The following NCOA1 variants were observed in gnomAD, a reference collection of about 807,000 sequenced individuals.
NCOA1 encodes the protein nuclear receptor coactivator 1.
Under a neutral mutation model 150.9 loss-of-function variants are expected in NCOA1, and 35 were observed. The ratio of observed to expected loss-of-function variants is 0.23; its 90% CI spans 0.18 to 0.31. The LOEUF (loss-of-function observed/expected upper bound fraction) is 0.31, where lower values mean the gene tolerates loss of function less well. Ranked by LOEUF, NCOA1 falls within the 10% of genes least tolerant of loss-of-function variation. The pLI is 1.00. For synonymous variants in NCOA1, 590 were observed against 630.0 expected (o/e 0.94, Z 0.95); for missense variants, 1,491 against 1,749.3 (o/e 0.85, Z 2.63).
chr2:24,508,714 A>G (rs1447492937), intron 1 of NCOA1, among the ~76,000 whole-genome samples: 1 of 152,098 alleles, frequency 6.6e-6, no homozygotes, highest in Non-Finnish European at 1.5e-5. Flanking sequence ...GTTTGGTTAA[A>G]CATGTTGCTC....
chr2:24,632,090 TTTAG>T (rs1349502466), intron 3 of NCOA1, among the ~76,000 whole-genome samples: 2 of 152,036 alleles, frequency 1.3e-5, no homozygotes, highest in Admixed American at 1.3e-4. Context: ...AAAACAGCAG[TTTAG>T]TTAAACAACA....
At chr2:24,725,194 A>G (rs1318312186) in intron 14 of NCOA1, among the ~76,000 whole-genome samples, 1 of 152,156 alleles carries the variant, frequency 6.6e-6, no homozygotes, top group Non-Finnish European at 1.5e-5. Flanking sequence ...CGAATGAGAA[A>G]TTCTACCTCA....
chr2:24,670,567 G>A (rs907340741), intron 6 of NCOA1, among the ~76,000 whole-genome samples: 3 of 152,130 alleles, frequency 2.0e-5, no homozygotes, highest in Non-Finnish European at 4.4e-5. Flanking sequence ...AGAAGAAGCC[G>A]AGTCACATAT....
At chr2:24,532,676 A>G (rs1664948624) in intron 1 of NCOA1, among the ~76,000 whole-genome samples, 3 of 152,134 alleles carry the variant, frequency 2.0e-5, no homozygotes, top group Admixed American at 6.5e-5. Flanking sequence ...CATATGGCTA[A>G]CCAGCTTTCC....
chr2:24,719,960 A>C (rs1396256425), intron 14 of NCOA1, among the ~76,000 whole-genome samples: 1 of 152,248 alleles, frequency 6.6e-6, no homozygotes, highest in East Asian at 1.9e-4. Context: ...AACAAAGTGC[A>C]CAATTTGACT....
At chr2:24,760,306 A>ATTTTTTTTT (rs70947842) in intron 21 of NCOA1, among the ~76,000 whole-genome samples, 1,989 of 99,328 alleles carry the variant, frequency 0.02, no homozygotes, top group Non-Finnish European at 0.022. Flanking sequence ...TGCCCGGCTA[A>ATTTTTTTTT]TTTTTTTTTT....
chr2:24,628,293 T>TC (rs1010308960), intron 3 of NCOA1, among the ~76,000 whole-genome samples: 1 of 116,838 alleles, frequency 8.6e-6, no homozygotes, highest in Non-Finnish European at 1.9e-5. Flanking sequence ...AAAGCGAAAC[T>TC]CCATCTCAGA....
chr2:24,745,456 C>G (rs1041149995), intron 19 of NCOA1, among the ~76,000 whole-genome samples: 1 of 152,142 alleles, frequency 6.6e-6, no homozygotes, highest in Non-Finnish European at 1.5e-5. Flanking sequence ...GCCACCGTGC[C>G]TGGCCAGAAA....
At chr2:24,706,458 A>G (rs1673435117) in intron 12 of NCOA1, 110 bp from the exon 13 acceptor site, 5 of 1,242,368 alleles carry the variant, frequency 4.0e-6, no homozygotes, top group Admixed American at 3.0e-5. Flanking sequence ...TTTACTTGAT[A>G]GCTTGCAATA....
At chr2:24,498,207 A>G (rs946357161) in intron 1 of NCOA1, among the ~76,000 whole-genome samples, 2 of 152,232 alleles carry the variant, frequency 1.3e-5, no homozygotes, top group Non-Finnish European at 2.9e-5. Flanking sequence ...TCTAAATGGT[A>G]CAGGTAGTCT....
intron 11 of NCOA1, among the ~76,000 whole-genome samples, chr2:24,700,132 A>C (rs1158467422): frequency 4.1e-5 from 6 of 147,152 alleles, no homozygotes; most frequent in Non-Finnish European, 9.0e-5. Flanking sequence ...AACAAGAGCG[A>C]AACTTCATCG....
intron 3 of NCOA1, among the ~76,000 whole-genome samples, chr2:24,641,587 C>T (rs868310440): frequency 1.5e-4 from 23 of 151,864 alleles, no homozygotes; most frequent in Non-Finnish European, 2.6e-4. Flanking sequence ...TTAATTTTGC[C>T]TTCAGTTTTT....
chr2:24,542,863 T>G (rs562037731), intron 1 of NCOA1, among the ~76,000 whole-genome samples: 1 of 152,302 alleles, frequency 6.6e-6, no homozygotes, highest in South Asian at 2.1e-4. Flanking sequence ...TTTAACAGAT[T>G]AATATTAAAC....
At chr2:24,587,161 C>G (rs1667449297) in intron 3 of NCOA1, among the ~76,000 whole-genome samples, 1 of 151,816 alleles carries the variant, frequency 6.6e-6, no homozygotes, top group African/African-American at 2.4e-5. Flanking sequence ...CACACTGTAG[C>G]CCACAGATGC....
Position 24,703,270 on chromosome 2 carries a change from GCCT to G in NCOA1, c.950-1815_950-1813del, listed in dbSNP as rs1673253753. 5.3e-5 allele frequency among the ~76,000 whole-genome samples: 8 copies of G among 152,232 alleles called. No homozygotes were observed. In the South Asian group the frequency reaches 1.7e-3, roughly 32 times the overall value. On this transcript the variant is annotated intron_variant, in intron 11 of 22. Transcript: ENST00000348332. ...GTTACTCTTTTCATTGATTTATGCT[GCCT>G]TCCTTTGACCTCTTCATCTGAACAA...
chr2:24,666,008 TTTA>T (rs897361653), intron 6 of NCOA1, 93 bp downstream of exon 6: 104 of 702,850 alleles, frequency 1.5e-4, no homozygotes, highest in African/African-American at 4.8e-4. Context: ...TTATTATTAT[TTTA>T]TTATTATTAT....
At chr2:24,531,294 C>CA (rs1186410110) in intron 1 of NCOA1, among the ~76,000 whole-genome samples, 1 of 152,036 alleles carries the variant, frequency 6.6e-6, no homozygotes, top group East Asian at 1.9e-4. Context: ...CACTCCCACA[C>CA]AATTCACAAT....
intron 1 of NCOA1, among the ~76,000 whole-genome samples, chr2:24,515,390 G>A (rs1265872191): frequency 6.6e-6 from 1 of 151,840 alleles, no homozygotes; most frequent in Non-Finnish European, 1.5e-5. Context: ...ACACTACCAT[G>A]CCCAGCTAAT....
intron 11 of NCOA1, among the ~76,000 whole-genome samples, chr2:24,701,713 T>TA (rs1204207906): frequency 2.0e-5 from 3 of 152,206 alleles, no homozygotes; most frequent in African/African-American, 7.2e-5. Context: ...TTTCATCTTT[T>TA]AAAAAATATA....
Sources: gnomAD v4.1 joint callset for allele counts (sites outside exome capture counted in the v4.1 genomes callset) on GRCh38, gnomAD v4.1.1 for gene constraint, MANE v1.5 for transcripts, NCBI Gene and HGNC (gene_info 2026-07-23, HGNC 2026-07-21) for gene names.